The following STX6 variants were observed in gnomAD, a reference collection of about 807,000 sequenced individuals.
STX6 encodes syntaxin 6, also known as syntaxin-6.
In STX6, 23 loss-of-function variants were observed where a neutral mutation model predicts 38.0. The ratio of observed to expected loss-of-function variants is 0.60; its 90% CI spans 0.43 to 0.86. The LOEUF (loss-of-function observed/expected upper bound fraction) is 0.86. STX6 is among the 40% of genes least tolerant of loss of function. The pLI, the probability that STX6 is intolerant of heterozygous loss-of-function variation, is 0.00. For missense variants in STX6, 274 were observed against 312.9 expected (o/e 0.88, Z 0.94); for synonymous variants, 123 against 107.5 (o/e 1.14, Z -0.89).
At chr1:181,002,359 GC>G (rs1309438481) in intron 3 of STX6, among the ~76,000 whole-genome samples, 2 of 151,298 alleles carry the variant, frequency 1.3e-5, no homozygotes, top group East Asian at 3.9e-4. Flanking sequence ...TCATCATGTT[GC>G]CCGGACTGGT....
chr1:180,976,331 T>G lies in STX6; in HGVS notation c.*239A>C. On this transcript the variant is annotated 3_prime_UTR_variant, in exon 8 of 8. Coordinates refer to ENST00000258301, the MANE Select transcript of STX6 (RefSeq NM_005819.6). ...TCTCCTCCGAACTGGACAGGCGGCA[T>G]GGGGCTTCTGTTGTCCAGCTGCAGC... The G allele has an allele frequency of 4.0e-6, 2 of 500,228 alleles. No homozygotes were observed. Among genetic ancestry groups the G allele is most frequent in the South Asian group, 4.8e-5 (2 of 42,054 alleles). 31.0% of individuals were successfully genotyped at this position (500,228 alleles called of 1,614,324 possible).
At chr1:180,986,419 C>T (rs1558088630) in intron 6 of STX6, among the ~76,000 whole-genome samples, 1 of 152,156 alleles carries the variant, frequency 6.6e-6, no homozygotes, top group East Asian at 1.9e-4. Context: ...AAGCATTTTA[C>T]CTCTGGAGCA....
chr1:181,022,692 G>T lies in STX6; in HGVS notation c.-19C>A, dbSNP rs1000368729. On this transcript the variant is annotated 5_prime_UTR_variant, in exon 1 of 8. Coordinates refer to ENST00000258301, the MANE Select transcript of STX6 (RefSeq NM_005819.6). ...TGGACATGGCGTCCCGGCCCCGGCC[G>T]CCTTCACCTCCTCCGCGCACAGGGC... 4 of 1,603,306 alleles carry T rather than the reference G, an allele frequency of 2.5e-6. No individual in the cohort carries two copies. Among genetic ancestry groups the T allele is most frequent in the Non-Finnish European group, 3.4e-6 (4 of 1,175,932 alleles).
rs929248118 is a variant in STX6 at position 180,977,759 on chromosome 1, G to A, written c.692-1113C>T. Among the ~76,000 whole-genome samples, 26 of 152,260 alleles carry A rather than the reference G, an allele frequency of 1.7e-4. 1 individual carries two copies. The highest frequency in any genetic ancestry group is 5.3e-4 in the African/African-American group (22 of 41,546). ...GCACACTATAGTTATTGAGAATCAC[G>A]TTGCAAAAAGATCTCAATCTATGAA... On this transcript the variant is annotated intron_variant, in intron 7 of 7. Transcript: ENST00000258301.
At chr1:181,002,516 G>T in intron 3 of STX6, 90 bp downstream of exon 3, 1 of 878,948 alleles carries the variant, frequency 1.1e-6, no homozygotes, top group South Asian at 1.6e-5. Flanking sequence ...TGGTTTCAGA[G>T]GTGACCTATT....
intron 5 of STX6, 112 bp from the exon 6 acceptor site, chr1:180,988,457 G>A (rs1169374815): frequency 1.9e-5 from 14 of 750,402 alleles, no homozygotes; most frequent in Non-Finnish European, 2.7e-5. Context: ...TTCACATTCA[G>A]AAGCAAAGCC....
At chr1:181,008,848 G>T (rs899954995) in intron 1 of STX6, among the ~76,000 whole-genome samples, 1 of 146,990 alleles carries the variant, frequency 6.8e-6, no homozygotes, top group Non-Finnish European at 1.5e-5. Flanking sequence ...AATATCTCGA[G>T]AATTTTTTAG....
chr1:181,003,165 C>T (rs944619652), intron 2 of STX6, among the ~76,000 whole-genome samples: 1 of 152,204 alleles, frequency 6.6e-6, no homozygotes, highest in African/African-American at 2.4e-5. Flanking sequence ...CCCTCATTCC[C>T]TTACCCTCTA....
intron 3 of STX6, among the ~76,000 whole-genome samples, chr1:181,001,719 G>A (rs934924146): frequency 6.6e-5 from 10 of 152,210 alleles, no homozygotes; most frequent in Admixed American, 6.5e-4. Flanking sequence ...AATAGCAATT[G>A]TTTTGTTCGT....
At chr1:181,020,365 T>G (rs935365571) in intron 1 of STX6, among the ~76,000 whole-genome samples, 15 of 152,244 alleles carry the variant, frequency 9.9e-5, no homozygotes, top group Admixed American at 3.9e-4. Context: ...TCAATAATCT[T>G]TAATCACATG....
chr1:180,981,873 T>C (rs377726989), intron 7 of STX6, among the ~76,000 whole-genome samples: 13 of 152,210 alleles, frequency 8.5e-5, no homozygotes, highest in African/African-American at 2.9e-4. Context: ...TTAAGCAGCA[T>C]TGCAAGCTCA....
At chr1:181,001,391 T>C (rs1656074840) in intron 3 of STX6, among the ~76,000 whole-genome samples, 1 of 152,206 alleles carries the variant, frequency 6.6e-6, no homozygotes, top group Non-Finnish European at 1.5e-5. Context: ...TTTCAAAATA[T>C]GAAACATTTT....
At chr1:181,001,590 T>C (rs1056179317) in intron 3 of STX6, among the ~76,000 whole-genome samples, 1 of 152,332 alleles carries the variant, frequency 6.6e-6, no homozygotes, top group Admixed American at 6.5e-5. Flanking sequence ...TATCTTGGGT[T>C]GCAAGAGTTC....
At chr1:180,984,099 A>T (rs1655500482) in intron 7 of STX6, among the ~76,000 whole-genome samples, 1 of 149,562 alleles carries the variant, frequency 6.7e-6, no homozygotes, top group African/African-American at 2.5e-5. Flanking sequence ...AACACAACGA[A>T]AGTGACTCTA....
At chr1:181,005,187 A>G in intron 2 of STX6, 107 bp downstream of exon 2, 1 of 1,516,500 alleles carries the variant, frequency 6.6e-7, no homozygotes, top group Non-Finnish European at 8.8e-7. Flanking sequence ...AGCAACAAAC[A>G]TTAATCGATT....
intron 1 of STX6, among the ~76,000 whole-genome samples, chr1:181,013,883 C>T (rs967822724): frequency 1.3e-5 from 2 of 152,198 alleles, no homozygotes; most frequent in African/African-American, 2.4e-5. Flanking sequence ...TGTAACTGGA[C>T]TTGTTACATG....
Position 181,022,709 on chromosome 1 carries a change from GC to G in STX6, c.-37del. On this transcript the variant is annotated 5_prime_UTR_variant, in exon 1 of 8. Transcript: ENST00000258301. ...CCCCGGCCGCCTTCACCTCCTCCGCGCACAGGGCGCCCGTGCCTCCCGGTCT... is the reference window on the plus strand; with the variant it reads ...CCCCGGCCGCCTTCACCTCCTCCGCGACAGGGCGCCCGTGCCTCCCGGTCT... The G allele has an allele frequency of 6.3e-7, 1 of 1,586,032 alleles. No individual in the cohort carries two copies. The highest frequency in any genetic ancestry group is 8.6e-7 in the Non-Finnish European group (1 of 1,167,932).
rs563556901 is a variant in STX6 at position 181,017,396 on chromosome 1, A to AAAAC, written c.35+5239_35+5242dup. ...CAACAGAGTGAGACTCCGTCTCAAA[A>AAAAC]AAACAAACAAACAAACAAACAAAAA... On this transcript the variant is annotated intron_variant, in intron 1 of 7. Coordinates refer to ENST00000258301, the MANE Select transcript of STX6 (RefSeq NM_005819.6). Among the ~76,000 whole-genome samples the AAAAC allele has an allele frequency of 7.9e-3, 1,205 of 152,192 alleles. 2 individuals are homozygous for AAAAC. Among genetic ancestry groups the AAAAC allele is most frequent in the Non-Finnish European group, 0.01 (688 of 67,994 alleles).
chr1:181,008,749 T>TA (rs1553266089), intron 1 of STX6, among the ~76,000 whole-genome samples: 19 of 149,232 alleles, frequency 1.3e-4, no homozygotes, highest in African/African-American at 4.4e-4. Flanking sequence ...TTTTTTTTTT[T>TA]AAACAAAAGG....
Sources: gnomAD v4.1 joint callset for allele counts (sites outside exome capture counted in the v4.1 genomes callset) on GRCh38, gnomAD v4.1.1 for gene constraint, MANE v1.5 for transcripts, NCBI Gene and HGNC (gene_info 2026-07-23, HGNC 2026-07-21) for gene names.